The following PPM1E variants were observed in gnomAD, a reference collection of about 807,000 sequenced individuals.
PPM1E encodes the protein protein phosphatase 1E.
In PPM1E, 20 loss-of-function variants were observed where a neutral mutation model predicts 65.9. That is an observed-to-expected ratio of 0.30 (90% CI 0.21 to 0.44). The LOEUF (loss-of-function observed/expected upper bound fraction) is 0.44. Among genes scored for constraint, PPM1E ranks in the 20% least tolerant of loss-of-function variants. The pLI, the probability that PPM1E is intolerant of heterozygous loss-of-function variation, is 1.00. For synonymous variants in PPM1E, 352 were observed against 374.9 expected, an observed-to-expected ratio of 0.94 and a Z score of 0.70; for missense variants, 713 against 953.1, an observed-to-expected ratio of 0.75 and a Z score of 3.32.
chr17:58,813,331 T>TA (rs1412397982), intron 1 of PPM1E, among the ~76,000 whole-genome samples: 1 of 152,226 alleles, frequency 6.6e-6, no homozygotes, highest in African/African-American at 2.4e-5. Flanking sequence ...GAATTTCTCT[T>TA]ACTATTGATA....
intron 1 of PPM1E, among the ~76,000 whole-genome samples, chr17:58,793,687 A>G (rs2050178479): frequency 6.6e-6 from 1 of 152,024 alleles, no homozygotes; most frequent in South Asian, 2.1e-4. Context: ...ATATAGTGAT[A>G]AAGTTAATCT....
intron 1 of PPM1E, among the ~76,000 whole-genome samples, chr17:58,823,065 A>G (rs1378961178): frequency 2.0e-5 from 3 of 151,952 alleles, no homozygotes; most frequent in African/African-American, 7.2e-5. Context: ...TTTTTTTTTA[A>G]TTTTCAAAAT....
chr17:58,890,152 A>G (rs1054324335), intron 1 of PPM1E, among the ~76,000 whole-genome samples: 1 of 152,188 alleles, frequency 6.6e-6, no homozygotes, highest in Non-Finnish European at 1.5e-5. Flanking sequence ...CAACCAGTCA[A>G]TACAACCTTG....
rs1414573435 is a variant in PPM1E, at chr17:58,873,910, C to G, written c.465-81739C>G. ...CCGTGCCCGGCCTAGTGTTAATTTTCTTTTTGCATGATTTTTACACTACTA... is the reference window on the plus strand; with the variant it reads ...CCGTGCCCGGCCTAGTGTTAATTTTGTTTTTGCATGATTTTTACACTACTA... On this transcript the variant is annotated intron_variant, in intron 1 of 6. Transcript: ENST00000308249. Among the ~76,000 whole-genome samples, 25 of 151,500 alleles carry G rather than the reference C, an allele frequency of 1.7e-4. No homozygotes were observed. The Admixed American group carries it at 1.7e-3, about 10-fold the overall frequency.
Position 58,755,971 on chromosome 17 carries a change from C to T in PPM1E, c.-27C>T. On this transcript the variant is annotated 5_prime_UTR_variant, in exon 1 of 7. Transcript: ENST00000308249. ...TCCTGGGCTTCCCCCAACCCCTTTC[C>T]CGGTCTGCCCTGGGGCATGAGCAGC... 1.2e-6 allele frequency: 2 copies of T among 1,613,550 alleles called. No homozygotes were observed. The highest frequency in any genetic ancestry group is 2.2e-5 in the East Asian group (1 of 44,852).
At chr17:58,806,906 C>T (rs2050321352) in intron 1 of PPM1E, among the ~76,000 whole-genome samples, 1 of 151,110 alleles carries the variant, frequency 6.6e-6, no homozygotes, top group Non-Finnish European at 1.5e-5. Flanking sequence ...AGGGTTTTAC[C>T]ATATTGGCCA....
At chr17:58,965,002 G>A (rs1281516099) in intron 2 of PPM1E, among the ~76,000 whole-genome samples, 3 of 150,542 alleles carry the variant, frequency 2.0e-5, no homozygotes, top group African/African-American at 4.9e-5. Context: ...CCAAGATCAC[G>A]CCATTGCACT....
rs145723414 is a variant in PPM1E, at chr17:58,774,510, G to C, written c.464+18049G>C. On this transcript the variant is annotated intron_variant, in intron 1 of 6. Coordinates refer to ENST00000308249, the MANE Select transcript of PPM1E (RefSeq NM_014906.5). ...CCATGGTTTTATAATTAAAGACTAA[G>C]AAAAGACATATTGGACATCATATCT... Among the ~76,000 whole-genome samples, 104 of 152,218 alleles carry C rather than the reference G, an allele frequency of 6.8e-4. 1 individual carries two copies. Among genetic ancestry groups the C allele is most frequent in the African/African-American group, 2.3e-3 (97 of 41,550 alleles).
intron 1 of PPM1E, among the ~76,000 whole-genome samples, chr17:58,941,931 G>A (rs535394887): frequency 1.3e-5 from 2 of 151,690 alleles, no homozygotes; most frequent in East Asian, 3.9e-4. Flanking sequence ...CTTGAACCTG[G>A]GAGGTGGAGG....
chr17:58,757,028 G>A (rs2049775138), intron 1 of PPM1E, among the ~76,000 whole-genome samples: 1 of 152,190 alleles, frequency 6.6e-6, no homozygotes, highest in African/African-American at 2.4e-5. Flanking sequence ...AGAGAATGGA[G>A]TAGATTTTCC....
intron 1 of PPM1E, among the ~76,000 whole-genome samples, chr17:58,837,334 C>CACACAA (rs1555613261): frequency 2.0e-5 from 2 of 99,150 alleles, no homozygotes; most frequent in Middle Eastern, 8.4e-3. Context: ...CACACACATA[C>CACACAA]ACACACACAC....
chr17:58,838,553 C>T (rs2050685886), intron 1 of PPM1E, among the ~76,000 whole-genome samples: 1 of 152,188 alleles, frequency 6.6e-6, no homozygotes, highest in Non-Finnish European at 1.5e-5. Flanking sequence ...AAACTCTCAT[C>T]TTTGCTGGTG....
rs541389093 is a variant in PPM1E at position 58,873,343 on chromosome 17, TTG to T, written c.465-82304_465-82303del. 6.6e-5 allele frequency among the ~76,000 whole-genome samples: 10 copies of T among 152,240 alleles called. No homozygotes were observed. The East Asian group carries it at 1.2e-3, about 18-fold the overall frequency. ...TCTAAAATAAAGCAGAATCTTTTCTTTGTTTTAAAATGATCTCAGTTCCCAAG... is the reference window on the plus strand; with the variant it reads ...TCTAAAATAAAGCAGAATCTTTTCTTTTTTAAAATGATCTCAGTTCCCAAG... On this transcript the variant is annotated intron_variant, in intron 1 of 6. Coordinates refer to ENST00000308249, the MANE Select transcript of PPM1E (RefSeq NM_014906.5).
chr17:58,861,034 TTA>T (rs1438442916), intron 1 of PPM1E, among the ~76,000 whole-genome samples: 1 of 152,232 alleles, frequency 6.6e-6, no homozygotes, highest in East Asian at 1.9e-4. Context: ...TAGGCCAGTA[TTA>T]TATGTTATCC....
At chr17:58,916,939 G>A (rs1935502032) in intron 1 of PPM1E, among the ~76,000 whole-genome samples, 1 of 152,154 alleles carries the variant, frequency 6.6e-6, no homozygotes, top group South Asian at 2.1e-4. Flanking sequence ...GTGGGGCACG[G>A]TGGCTCACAC....
chr17:58,943,868 TTTATATATACCCTGAGCACTAGA>T (rs1190909453), intron 1 of PPM1E, among the ~76,000 whole-genome samples: 1 of 152,200 alleles, frequency 6.6e-6, no homozygotes, highest in African/African-American at 2.4e-5. Context: ...TTCTTTTTTG[TTTATATATACCCTGAGCACTAGA>T]ACAGTGCCTG....
intron 1 of PPM1E, among the ~76,000 whole-genome samples, chr17:58,772,229 CAG>C (rs1355523448): frequency 6.6e-6 from 1 of 150,840 alleles, no homozygotes; most frequent in East Asian, 1.9e-4. Flanking sequence ...GAGGCCAAGG[CAG>C]GGGATCACAA....
At chr17:58,915,468 G>T (rs964953348) in intron 1 of PPM1E, among the ~76,000 whole-genome samples, 3 of 152,198 alleles carry the variant, frequency 2.0e-5, no homozygotes, top group South Asian at 4.1e-4. Flanking sequence ...GTCTTGTGCC[G>T]ACCTCCTCTC....
chr17:58,876,598 G>A (rs750831736), intron 1 of PPM1E, among the ~76,000 whole-genome samples: 1 of 152,154 alleles, frequency 6.6e-6, no homozygotes, highest in East Asian at 1.9e-4. Flanking sequence ...AAAATGTAAG[G>A]AATTAAAACT....
Sources: gnomAD v4.1 joint callset for allele counts (sites outside exome capture counted in the v4.1 genomes callset) on GRCh38, gnomAD v4.1.1 for gene constraint, MANE v1.5 for transcripts, NCBI Gene and HGNC (gene_info 2026-07-23, HGNC 2026-07-21) for gene names.